The following MCTP2 variants were observed in gnomAD, a reference collection of about 807,000 sequenced individuals.
MCTP2 encodes multiple C2 and transmembrane domain containing 2, also known as multiple C2 and transmembrane domain-containing protein 2.
In MCTP2, 132 loss-of-function variants were observed where a neutral mutation model predicts 111.6. The ratio of observed to expected loss-of-function variants is 1.18; its 90% confidence interval spans 1.03 to 1.37. The LOEUF is 1.37. Among genes scored for constraint, MCTP2 ranks in the 40% most tolerant of loss-of-function variants. The probability of loss-of-function intolerance (pLI) is 0.00; values close to 1 mark genes in which losing one functional copy is unlikely to be tolerated. For synonymous variants in MCTP2, 395 were observed against 387.7 expected, an observed-to-expected ratio of 1.02 and a Z score of -0.22; for missense variants, 1,183 against 1,067.9, an observed-to-expected ratio of 1.11 and a Z score of -1.50.
chr15:94,350,669 C>T (rs536625120), intron 8 of MCTP2, among the ~76,000 whole-genome samples: 10 of 152,292 alleles, frequency 6.6e-5, no homozygotes, highest in South Asian at 2.1e-4. Flanking sequence ...TCCCAGCCCT[C>T]GGTAGGGTTG....
chr15:94,450,763 C>T (rs1474038203), intron 19 of MCTP2, among the ~76,000 whole-genome samples: 1 of 152,158 alleles, frequency 6.6e-6, no homozygotes, highest in Non-Finnish European at 1.5e-5. Flanking sequence ...AAATACTACT[C>T]AGTTTTTAAG....
At chr15:94,458,322 G>A (rs1433267717) in intron 20 of MCTP2, 76 bp downstream of exon 20, 7 of 876,538 alleles carry the variant, frequency 8.0e-6, no homozygotes, top group Non-Finnish European at 1.4e-5. Context: ...TGGCAGTGGT[G>A]TGCGACAAAG....
chr15:94,325,906 G>C (rs2076849662), intron 4 of MCTP2, among the ~76,000 whole-genome samples: 2 of 141,194 alleles, frequency 1.4e-5, no homozygotes, highest in Non-Finnish European at 3.0e-5. Flanking sequence ...TGCAACCTCT[G>C]CCTCTCTGGT....
chr15:94,242,024 A>G (rs1179318071), intron 1 of MCTP2, among the ~76,000 whole-genome samples: 1 of 152,128 alleles, frequency 6.6e-6, no homozygotes, highest in Non-Finnish European at 1.5e-5. Context: ...AAGGAGAGAA[A>G]AGGTTCCAAA....
At chr15:94,429,719 T>C (rs2083076098) in intron 17 of MCTP2, among the ~76,000 whole-genome samples, 1 of 152,198 alleles carries the variant, frequency 6.6e-6, no homozygotes, top group South Asian at 2.1e-4. Context: ...GTCTGATATC[T>C]TTAAATGCTA....
At chr15:94,279,492 A>G (rs2152311146) in intron 1 of MCTP2, among the ~76,000 whole-genome samples, 1 of 152,100 alleles carries the variant, frequency 6.6e-6, no homozygotes, top group African/African-American at 2.4e-5. Flanking sequence ...TTACTTGTTT[A>G]TCAATTCTAG....
intron 4 of MCTP2, among the ~76,000 whole-genome samples, chr15:94,325,338 G>A (rs1032503621): frequency 1.3e-5 from 2 of 152,152 alleles, no homozygotes; most frequent in South Asian, 2.1e-4. Flanking sequence ...TACTATTGCC[G>A]TGTGAATTGT....
intron 7 of MCTP2, chr15:94,341,807 A>T (rs2077654745): frequency 6.6e-6 from 1 of 152,200 alleles, no homozygotes; most frequent in Non-Finnish European, 1.5e-5. Flanking sequence ...AGTTCCTTTT[A>T]TTACTTCTTT....
chr15:94,470,156 G>C (rs2073795733), intron 20 of MCTP2, among the ~76,000 whole-genome samples, 177 bp from the exon 21 acceptor site: 1 of 152,064 alleles, frequency 6.6e-6, no homozygotes, highest in Non-Finnish European at 1.5e-5. Context: ...TTTTAAGAAT[G>C]TTTTTCCAGT....
At chr15:94,237,156 T>C (rs753244157) in intron 1 of MCTP2, among the ~76,000 whole-genome samples, 26 of 152,190 alleles carry the variant, frequency 1.7e-4, no homozygotes, top group Non-Finnish European at 2.8e-4. Context: ...AGGTCTGCAC[T>C]CCAGGAAAGA....
intron 4 of MCTP2, among the ~76,000 whole-genome samples, chr15:94,335,726 T>A (rs2077330091): frequency 6.6e-6 from 1 of 152,252 alleles, no homozygotes; most frequent in African/African-American, 2.4e-5. Flanking sequence ...TTACATAAAC[T>A]AACACAATGC....
intron 1 of MCTP2, among the ~76,000 whole-genome samples, chr15:94,235,432 C>T (rs771166432): frequency 2.6e-5 from 4 of 152,070 alleles, no homozygotes; most frequent in Non-Finnish European, 2.9e-5. Context: ...AGAAGCCCTC[C>T]GGATGATTCT....
At position 94,298,547 on chromosome 15, in the gene MCTP2, C is replaced by G. The variant is rs376018109; in HGVS notation, c.282C>G (p.Ser94Arg). ...GGATCTTTCCCAAGAGCAGCAGTAG[C>G]TCCTTGAAACAGTCTGAAGAAGAAT... ...TAGIFPKSSSSSLKQSEEELD... is the reference protein window; with the variant it reads ...TAGIFPKSSSRSLKQSEEELD... Residue 94 changes from serine (S) to arginine (R), a missense_variant, in exon 2 of 23, where the codon AGC (serine) becomes AGG (arginine). By Grantham distance (110) the Ser-to-Arg change is moderately radical (BLOSUM62 -1). Coordinates refer to ENST00000357742, the MANE Select transcript of MCTP2 (RefSeq NM_001385001.1). The G allele has an allele frequency of 2.4e-5, 39 of 1,614,044 alleles. No homozygotes were observed. The East Asian group carries it at 8.2e-4, about 34-fold the overall frequency.
intron 17 of MCTP2, among the ~76,000 whole-genome samples, chr15:94,438,810 G>A (rs1410240978): frequency 6.6e-6 from 1 of 152,062 alleles, no homozygotes; most frequent in East Asian, 1.9e-4. Flanking sequence ...ATTAAAAATG[G>A]TTTGTGTGTG....
intron 4 of MCTP2, among the ~76,000 whole-genome samples, chr15:94,328,572 C>T (rs77776262): frequency 0.025 from 3,874 of 152,220 alleles, 141 homozygotes; most frequent in African/African-American, 0.088. Context: ...CCCACATGTC[C>T]GTGATTTACT....
intron 1 of MCTP2, among the ~76,000 whole-genome samples, chr15:94,242,954 T>C (rs1184178924): frequency 2.2e-4 from 23 of 106,418 alleles, no homozygotes; most frequent in South Asian, 2.0e-3. Flanking sequence ...TAGATACACA[T>C]ATACACGTGT....
chr15:94,237,782 T>C lies in MCTP2; in HGVS notation c.-66+6118T>C, dbSNP rs376826787. Among the ~76,000 whole-genome samples the C allele has an allele frequency of 2.6e-5, 4 of 152,218 alleles. No homozygotes were observed. The East Asian group carries it at 5.8e-4, about 22-fold the overall frequency. On this transcript the variant is annotated intron_variant, in intron 1 of 22. Transcript: ENST00000357742. ...AGTCTAGCACCTTTTAAGGTCTGAA[T>C]AGGAAACATTTGTCATCTGTCATCT...
intron 19 of MCTP2, among the ~76,000 whole-genome samples, chr15:94,457,250 T>C (rs2084891158): frequency 6.6e-6 from 1 of 152,282 alleles, no homozygotes; most frequent in South Asian, 2.1e-4. Context: ...AGCTAGAACA[T>C]AGCATCAGAA....
intron 1 of MCTP2, among the ~76,000 whole-genome samples, chr15:94,243,462 TGCGTATATGC>T (rs2071277118): frequency 6.8e-6 from 1 of 146,018 alleles, no homozygotes; most frequent in Non-Finnish European, 1.5e-5. Context: ...TACATGCGTA[TGCGTATATGC>T]GTATGTACAC....
Sources: gnomAD v4.1 joint callset for allele counts (sites outside exome capture counted in the v4.1 genomes callset) on GRCh38, gnomAD v4.1.1 for gene constraint, MANE v1.5 for transcripts, NCBI Gene and HGNC (gene_info 2026-07-23, HGNC 2026-07-21) for gene names.